Variants in PRLR observed in about 807,000 individuals in gnomAD.
PRLR encodes the protein prolactin receptor, also known as hPRL receptor.
PRLR carries 13 observed loss-of-function variants against 40.2 expected under a neutral mutation model. The observed-to-expected ratio is 0.32, with a 90% CI of 0.21 to 0.51. The LOEUF is 0.51. PRLR is among the 20% of genes least tolerant of loss of function. The probability of loss-of-function intolerance (pLI) is 0.97; values close to 1 mark genes in which losing one functional copy is unlikely to be tolerated. For missense variants in PRLR, 656 were observed against 747.3 expected, an observed-to-expected ratio of 0.88 and a Z score of 1.42; for synonymous variants, 269 against 278.7, an observed-to-expected ratio of 0.97 and a Z score of 0.35.
At chr5:35,219,621 AG>A (rs1204712020) in intron 1 of PRLR, among the ~76,000 whole-genome samples, 1 of 152,208 alleles carries the variant, frequency 6.6e-6, no homozygotes, top group Non-Finnish European at 1.5e-5. Flanking sequence ...CACTCAGAAA[AG>A]AGATAAACTA....
downstream of PRLR, among the ~76,000 whole-genome samples, chr5:35,054,418 TAATA>T (rs66686926): frequency 0.18 from 27,382 of 152,012 alleles, 2,565 homozygotes; most frequent in African/African-American, 0.21. Flanking sequence ...ATAGGGGGAT[TAATA>T]AATAGTATAT....
At chr5:35,213,725 AG>A (rs1249863066) in intron 1 of PRLR, among the ~76,000 whole-genome samples, 1 of 152,206 alleles carries the variant, frequency 6.6e-6, no homozygotes, top group African/African-American at 2.4e-5. Flanking sequence ...CTCAAGTCTG[AG>A]GGCCCCTCCA....
At chr5:35,129,271 C>T (rs1288694344) in intron 1 of PRLR, among the ~76,000 whole-genome samples, 1 of 152,142 alleles carries the variant, frequency 6.6e-6, no homozygotes, top group Non-Finnish European at 1.5e-5. Flanking sequence ...AAAAAGTTCT[C>T]TTAGTGTTAT....
At chr5:35,223,141 A>G (rs1037275047) in intron 1 of PRLR, among the ~76,000 whole-genome samples, 3 of 152,196 alleles carry the variant, frequency 2.0e-5, no homozygotes, top group Admixed American at 2.0e-4. Flanking sequence ...CTACATACAA[A>G]TGTGCATGTA....
intron 5 of PRLR, among the ~76,000 whole-genome samples, chr5:35,074,006 G>A (rs1245144158): frequency 6.6e-6 from 1 of 152,176 alleles, no homozygotes; most frequent in African/African-American, 2.4e-5. Context: ...GTCAAACTTA[G>A]AGTTGCCATA....
intron 2 of PRLR, among the ~76,000 whole-genome samples, chr5:35,114,494 C>T (rs1388354020): frequency 6.6e-6 from 1 of 152,230 alleles, no homozygotes; most frequent in Admixed American, 6.5e-5. Flanking sequence ...ACAATTGCTC[C>T]TTGGAACCCT....
chr5:35,072,029 G>A (rs1769778502), intron 6 of PRLR, among the ~76,000 whole-genome samples: 1 of 151,982 alleles, frequency 6.6e-6, no homozygotes. Flanking sequence ...CCGAGGAGCT[G>A]GGATTACAGG....
chr5:35,085,188 G>A (rs1193008932), intron 4 of PRLR, among the ~76,000 whole-genome samples: 9 of 152,176 alleles, frequency 5.9e-5, no homozygotes, highest in Admixed American at 5.2e-4. Flanking sequence ...TCAAGCCCAC[G>A]TGGCTCAGTA....
chr5:35,184,331 C>T (rs775703688), intron 1 of PRLR, among the ~76,000 whole-genome samples: 51 of 152,090 alleles, frequency 3.4e-4, no homozygotes, highest in Admixed American at 7.2e-4. Flanking sequence ...CTGGGCAACA[C>T]GGTGAAACCC....
rs567462463 is a variant in PRLR at position 35,095,839 on chromosome 5, T to G, written c.-43-6176A>C. On this transcript the variant is annotated intron_variant, in intron 2 of 9. Coordinates refer to ENST00000618457, the MANE Select transcript of PRLR (RefSeq NM_000949.7). Reference sequence around the variant, plus strand: ...AGTGAATTACTTTTATATAAAACGTTTATCACCTGGCAGTTTAGTCAGGTG... The same window carrying G: ...AGTGAATTACTTTTATATAAAACGTGTATCACCTGGCAGTTTAGTCAGGTG... 3.2e-4 allele frequency among the ~76,000 whole-genome samples: 48 copies of G among 152,338 alleles called. No individual in the cohort carries two copies. In the South Asian group the frequency reaches 9.3e-3, roughly 30 times the overall value.
intron 1 of PRLR, among the ~76,000 whole-genome samples, chr5:35,171,978 C>T (rs1427060911): frequency 6.6e-6 from 1 of 151,992 alleles, no homozygotes; most frequent in Non-Finnish European, 1.5e-5. Context: ...TTATTTTTTG[C>T]CCAGTCACAG....
intron 1 of PRLR, among the ~76,000 whole-genome samples, chr5:35,140,889 C>T (rs1233287604): frequency 6.6e-6 from 1 of 152,088 alleles, no homozygotes; most frequent in Non-Finnish European, 1.5e-5. Flanking sequence ...CCTCATTTTG[C>T]TTAGTATATT....
intron 1 of PRLR, among the ~76,000 whole-genome samples, chr5:35,119,405 C>T (rs1175381538): frequency 6.6e-6 from 1 of 151,976 alleles, no homozygotes; most frequent in Non-Finnish European, 1.5e-5. Flanking sequence ...CACACACACA[C>T]ACACACACAC....
intron 1 of PRLR, among the ~76,000 whole-genome samples, chr5:35,175,345 C>T (rs889357491): frequency 1.3e-5 from 2 of 152,220 alleles, no homozygotes; most frequent in African/African-American, 2.4e-5. Context: ...ACAACTTGCT[C>T]CTCCTTGTCT....
intron 1 of PRLR, among the ~76,000 whole-genome samples, chr5:35,153,976 A>C (rs1404623309): frequency 6.6e-6 from 1 of 152,188 alleles, no homozygotes; most frequent in African/African-American, 2.4e-5. Context: ...GACAGATTTC[A>C]AAACCAATCG....
At position 35,187,262 on chromosome 5, in the gene PRLR, T is replaced by A. The variant is rs6891290; in HGVS notation, c.-106+43006A>T. Among the ~76,000 whole-genome samples, 8 of 151,558 alleles carry A rather than the reference T, an allele frequency of 5.3e-5. No homozygotes were observed. The East Asian group carries it at 1.6e-3, about 30-fold the overall frequency. ...CTAAAAATACAAAAATTAACCAGGC[T>A]TCATGGTGCATGCCTGTATTCCCAG... On this transcript the variant is annotated intron_variant, in intron 1 of 9. Transcript: ENST00000618457.
At chr5:35,129,816 C>A (rs1053519077) in intron 1 of PRLR, among the ~76,000 whole-genome samples, 1 of 151,972 alleles carries the variant, frequency 6.6e-6, no homozygotes, top group Non-Finnish European at 1.5e-5. Context: ...GGAGTGGGCA[C>A]AAGGCATGGA....
intron 1 of PRLR, among the ~76,000 whole-genome samples, chr5:35,179,743 T>C (rs775405456): frequency 1.6e-4 from 25 of 152,164 alleles, no homozygotes; most frequent in Non-Finnish European, 3.2e-4. Context: ...AGGTGGGGCC[T>C]GGTGGGAGGT....
intron 1 of PRLR, among the ~76,000 whole-genome samples, chr5:35,228,304 C>CA (rs1175742445): frequency 6.7e-6 from 1 of 149,066 alleles, no homozygotes; most frequent in Admixed American, 6.7e-5. Context: ...CAGGAAAACT[C>CA]AGAGGCTTGC....
Sources: gnomAD v4.1 joint callset for allele counts (sites outside exome capture counted in the v4.1 genomes callset) on GRCh38, gnomAD v4.1.1 for gene constraint, MANE v1.5 for transcripts, NCBI Gene and HGNC (gene_info 2026-07-23, HGNC 2026-07-21) for gene names.